NDUFS4: variants seen among roughly 807,000 people sequenced by gnomAD.
The protein encoded by NDUFS4 is NADH dehydrogenase [ubiquinone] iron-sulfur protein 4, mitochondrial.
Under a neutral mutation model 24.3 loss-of-function variants are expected in NDUFS4, and 28 were observed. That is an observed-to-expected ratio of 1.15 (90% confidence interval 0.85 to 1.58). The LOEUF is 1.58. Among genes scored for constraint, NDUFS4 ranks in the 40% most tolerant of loss-of-function variants. The pLI is 0.00. For synonymous variants in NDUFS4, 93 were observed against 69.7 expected (o/e 1.34, Z -1.67); for missense variants, 223 against 207.9 (o/e 1.07, Z -0.45).
In NDUFS4 at chr5:53,640,990, A is replaced by G. The variant is rs1009854358; in HGVS notation, c.178-5243A>G. On this transcript the variant is annotated intron_variant, in intron 2 of 4. Transcript: ENST00000296684. ...TCCCTGAGAGCTGGTGTGGTTGGAC[A>G]GAGAATGTCCTTTAAAAAAATGTTT... Among the ~76,000 whole-genome samples the G allele has an allele frequency of 1.3e-4, 20 of 152,244 alleles. 1 individual carries two copies. Among genetic ancestry groups the G allele is most frequent in the Admixed American group, 4.6e-4 (7 of 15,268 alleles).
chr5:53,632,646 T>C (rs1751440535), intron 2 of NDUFS4, among the ~76,000 whole-genome samples: 1 of 152,178 alleles, frequency 6.6e-6, no homozygotes, highest in African/African-American at 2.4e-5. Context: ...TAGTCTGATA[T>C]GTGCCCCCAT....
At chr5:53,612,170 T>G (rs149958890) in intron 2 of NDUFS4, among the ~76,000 whole-genome samples, 1,552 of 152,232 alleles carry the variant, frequency 0.01, 21 homozygotes, top group African/African-American at 0.035. Context: ...ATAAATTATG[T>G]TGGCTGCTAT....
chr5:53,621,584 A>G (rs1333740617), intron 2 of NDUFS4, among the ~76,000 whole-genome samples: 2 of 151,598 alleles, frequency 1.3e-5, no homozygotes, highest in Non-Finnish European at 2.9e-5. Flanking sequence ...ATTACTTCAT[A>G]TGTAACATAA....
At chr5:53,666,955 TAGAA>T (rs1200112644) in intron 4 of NDUFS4, among the ~76,000 whole-genome samples, 6 of 151,886 alleles carry the variant, frequency 4.0e-5, no homozygotes, top group African/African-American at 7.3e-5. Context: ...AATAAATAAA[TAGAA>T]AGAAACATAT....
At chr5:53,600,987 C>T (rs12518536) in intron 1 of NDUFS4, among the ~76,000 whole-genome samples, 24,538 of 149,176 alleles carry the variant, frequency 0.16, 2,236 homozygotes, top group Non-Finnish European at 0.21. Flanking sequence ...TTTATCAGTG[C>T]GTTTGTTTAT....
chr5:53,643,825 T>A (rs1054343869), intron 2 of NDUFS4, among the ~76,000 whole-genome samples: 2 of 152,120 alleles, frequency 1.3e-5, no homozygotes, highest in African/African-American at 2.4e-5. Context: ...TTACATGTCT[T>A]CTGCATGCAA....
chr5:53,579,480 A>G (rs1339839589), intron 1 of NDUFS4, among the ~76,000 whole-genome samples: 1 of 152,208 alleles, frequency 6.6e-6, no homozygotes, highest in Non-Finnish European at 1.5e-5. Flanking sequence ...GAACCTGAGA[A>G]TGTTACCTTA....
At chr5:53,601,779 G>T (rs1248906529) in intron 1 of NDUFS4, among the ~76,000 whole-genome samples, 1 of 152,124 alleles carries the variant, frequency 6.6e-6, no homozygotes, top group Non-Finnish European at 1.5e-5. Context: ...TTTGTCTAGT[G>T]TATCCAGGTT....
At chr5:53,675,157 CTTTTTTTTTTTT>C (rs70983372) in intron 4 of NDUFS4, among the ~76,000 whole-genome samples, 4 of 102,950 alleles carry the variant, frequency 3.9e-5, no homozygotes, top group African/African-American at 1.5e-4. Context: ...AACAGAGTTC[CTTTTTTTTTTTT>C]TTTTTTTTTT....
At chr5:53,631,534 TG>T (rs1380757516) in intron 2 of NDUFS4, among the ~76,000 whole-genome samples, 3 of 152,284 alleles carry the variant, frequency 2.0e-5, no homozygotes, top group South Asian at 2.1e-4. Context: ...GGGATTTATT[TG>T]TAAGTCCCTG....
chr5:53,673,977 T>G (rs929395881), intron 4 of NDUFS4, among the ~76,000 whole-genome samples: 34 of 152,164 alleles, frequency 2.2e-4, no homozygotes, highest in African/African-American at 8.0e-4. Flanking sequence ...GTTTATAAAT[T>G]TAAAATTTTG....
At chr5:53,588,727 G>C (rs1226368591) in intron 1 of NDUFS4, among the ~76,000 whole-genome samples, 1 of 152,144 alleles carries the variant, frequency 6.6e-6, no homozygotes, top group Non-Finnish European at 1.5e-5. Flanking sequence ...TTTTTGAATT[G>C]AAGTATGCAA....
intron 1 of NDUFS4, among the ~76,000 whole-genome samples, chr5:53,563,831 C>G (rs1748936994): frequency 6.6e-6 from 1 of 152,144 alleles, no homozygotes; most frequent in African/African-American, 2.4e-5. Flanking sequence ...CCTTACTTTC[C>G]CTGACTTTCC....
intron 4 of NDUFS4, among the ~76,000 whole-genome samples, chr5:53,669,796 C>A (rs1248597896): frequency 6.6e-6 from 1 of 152,066 alleles, no homozygotes; most frequent in Non-Finnish European, 1.5e-5. Context: ...TTAATGTGCT[C>A]AGTAAATATT....
intron 2 of NDUFS4, among the ~76,000 whole-genome samples, chr5:53,625,097 C>T (rs1751175413): frequency 6.6e-6 from 1 of 152,000 alleles, no homozygotes; most frequent in Admixed American, 6.6e-5. Flanking sequence ...AGGCACACAC[C>T]ACTATACCCA....
intron 4 of NDUFS4, among the ~76,000 whole-genome samples, chr5:53,659,322 G>T (rs552297294): frequency 8.5e-5 from 13 of 152,208 alleles, no homozygotes. Context: ...AGGAAGTTTT[G>T]CAGTCAGACT....
chr5:53,665,881 G>A (rs1262837176), intron 4 of NDUFS4, among the ~76,000 whole-genome samples: 1 of 152,208 alleles, frequency 6.6e-6, no homozygotes, highest in Non-Finnish European at 1.5e-5. Flanking sequence ...CGGTACCTCA[G>A]TTGGAAATGC....
chr5:53,633,557 C>G (rs1053769191), intron 2 of NDUFS4, among the ~76,000 whole-genome samples: 1 of 152,136 alleles, frequency 6.6e-6, no homozygotes, highest in Middle Eastern at 3.2e-3. Context: ...TTCATCTAGC[C>G]TACGCATAAA....
chr5:53,616,832 G>A (rs1236882272), intron 2 of NDUFS4, among the ~76,000 whole-genome samples: 1 of 152,148 alleles, frequency 6.6e-6, no homozygotes, highest in Non-Finnish European at 1.5e-5. Flanking sequence ...CAACTTTAAA[G>A]AAGCTCAAAG....
Sources: gnomAD v4.1 joint callset for allele counts (sites outside exome capture counted in the v4.1 genomes callset) on GRCh38, gnomAD v4.1.1 for gene constraint, MANE v1.5 for transcripts, NCBI Gene and HGNC (gene_info 2026-07-23, HGNC 2026-07-21) for gene names.